The following TRHDE variants were observed in gnomAD, a reference collection of about 807,000 sequenced individuals.
TRHDE encodes thyrotropin-releasing hormone-degrading ectoenzyme.
Under a neutral mutation model 125.7 loss-of-function variants are expected in TRHDE, and 72 were observed. The ratio of observed to expected loss-of-function variants is 0.57; its 90% confidence interval spans 0.47 to 0.70. TRHDE has a LOEUF of 0.70. TRHDE is among the 30% of genes least tolerant of loss of function. The pLI, the probability that TRHDE is intolerant of heterozygous loss-of-function variation, is 0.00. For missense variants in TRHDE, 1,110 were observed against 1,327.1 expected, an observed-to-expected ratio of 0.84 and a Z score of 2.54; for synonymous variants, 509 against 509.1, an observed-to-expected ratio of 1.00 and a Z score of 0.00.
intron 6 of TRHDE, among the ~76,000 whole-genome samples, chr12:72,510,153 A>G (rs995409502): frequency 1.6e-4 from 24 of 152,054 alleles, no homozygotes; most frequent in African/African-American, 5.8e-4. Flanking sequence ...CCTGTTCTGC[A>G]AGTCTTCCTG....
chr12:72,609,670 T>G (rs1041187361), intron 12 of TRHDE, among the ~76,000 whole-genome samples: 5 of 152,204 alleles, frequency 3.3e-5, no homozygotes, highest in Middle Eastern at 3.2e-3. Flanking sequence ...AGGCAAAACT[T>G]TTGACATAAA....
At chr12:72,480,991 A>G (rs948501070) in intron 5 of TRHDE, among the ~76,000 whole-genome samples, 2 of 152,134 alleles carry the variant, frequency 1.3e-5, no homozygotes, top group Non-Finnish European at 2.9e-5. Context: ...AATGTTCAAC[A>G]TCTGCTATTA....
chr12:72,272,825 C>A lies in TRHDE; in HGVS notation c.182C>A (p.Ser61Tyr). 1.3e-6 allele frequency: 2 copies of A among 1,577,338 alleles called. No homozygotes were observed. Among genetic ancestry groups the A allele is most frequent in the Non-Finnish European group, 1.7e-6 (2 of 1,167,100 alleles). ...CTTCGGGCTGGCAGCAGGGGGCTCTCCGACCCGTGGGCAGACTCAGTGGGA... is the reference window on the plus strand; with the variant it reads ...CTTCGGGCTGGCAGCAGGGGGCTCTACGACCCGTGGGCAGACTCAGTGGGA... ...AALRAGSRGL[S>Y]DPWADSVGVR... is the part of the protein sequence containing the mutation. Residue 61 changes from serine to tyrosine, a missense_variant, in exon 1 of 19, where the codon TCC becomes TAC. This residue lies in a region of TRHDE where 248 missense variants were observed against 240.8 expected (regional missense o/e 1.03). Transcript: ENST00000261180. This position sits in a 1 kb window ranked among gnomAD's most constrained non-coding sequence, Gnocchi z 6.7.
intron 2 of TRHDE, among the ~76,000 whole-genome samples, chr12:72,316,171 A>T (rs1156667783): frequency 6.6e-6 from 1 of 152,126 alleles, no homozygotes. Flanking sequence ...AGACACTGAT[A>T]TATTTACTTG....
chr12:72,383,475 C>T (rs1872276496), intron 3 of TRHDE, among the ~76,000 whole-genome samples: 1 of 144,240 alleles, frequency 6.9e-6, no homozygotes, highest in South Asian at 2.2e-4. Flanking sequence ...CTTCCGGGTT[C>T]AGCTGATTCT....
At chr12:72,546,230 G>A (rs1318280787) in intron 7 of TRHDE, among the ~76,000 whole-genome samples, 1 of 151,416 alleles carries the variant, frequency 6.6e-6, no homozygotes, top group African/African-American at 2.4e-5. Context: ...TTTCTTTTTG[G>A]ATACATTGAT....
At position 72,493,423 on chromosome 12, in the gene TRHDE, A is replaced by T. The variant is rs549632879; in HGVS notation, c.1585-6075A>T. 3.9e-5 allele frequency among the ~76,000 whole-genome samples: 6 copies of T among 152,072 alleles called. No homozygotes were observed. The East Asian group carries it at 1.2e-3, about 29-fold the overall frequency. ...GGTTATAAAATAGAGCTAAGTTTTA[A>T]AGAAATAATTGGTGCAATGTGTTTT... On this transcript the variant is annotated intron_variant, in intron 5 of 18. Transcript: ENST00000261180.
At chr12:72,091,936 C>T (rs551369799) in intron 1 of TRHDE, among the ~76,000 whole-genome samples, 29 of 152,306 alleles carry the variant, frequency 1.9e-4, no homozygotes, top group Admixed American at 4.6e-4. Context: ...TCACTAGAAG[C>T]AGAGAGCTCT....
chr12:72,215,685 T>C (rs1793567571), intron 2 of TRHDE, among the ~76,000 whole-genome samples: 1 of 152,150 alleles, frequency 6.6e-6, no homozygotes. Flanking sequence ...GGCAGCTTTG[T>C]TTGGTGTCTT....
At chr12:72,245,990 C>T (rs2139383813) in intron 2 of TRHDE, among the ~76,000 whole-genome samples, 1 of 152,224 alleles carries the variant, frequency 6.6e-6, no homozygotes, top group East Asian at 1.9e-4. Context: ...TTAACCATCA[C>T]TATTATGGCC....
intron 15 of TRHDE, among the ~76,000 whole-genome samples, chr12:72,649,096 AAGG>A (rs1345171396): frequency 6.6e-6 from 1 of 152,108 alleles, no homozygotes; most frequent in Non-Finnish European, 1.5e-5. Flanking sequence ...TATTTTGAGA[AAGG>A]AGAACAATGC....
At chr12:72,430,411 G>A (rs1352998837) in intron 3 of TRHDE, among the ~76,000 whole-genome samples, 3 of 142,046 alleles carry the variant, frequency 2.1e-5, no homozygotes, top group Non-Finnish European at 3.0e-5. Flanking sequence ...GTATATATAT[G>A]TGCATATATA....
intron 12 of TRHDE, among the ~76,000 whole-genome samples, chr12:72,604,651 G>A (rs1299442696): frequency 1.3e-5 from 2 of 151,700 alleles, no homozygotes; most frequent in East Asian, 3.9e-4. Context: ...TTCTTATTTT[G>A]TCACTTTATT....
At chr12:72,473,865 G>T (rs1483322196) in intron 5 of TRHDE, among the ~76,000 whole-genome samples, 1 of 151,774 alleles carries the variant, frequency 6.6e-6, no homozygotes, top group Non-Finnish European at 1.5e-5. Context: ...AGAACCCGGG[G>T]TATATATATG....
chr12:72,377,908 A>C (rs906666778), intron 2 of TRHDE, 87 bp from the exon 3 acceptor site: 4 of 941,836 alleles, frequency 4.2e-6, no homozygotes, highest in Non-Finnish European at 6.0e-6. Flanking sequence ...TAGTATTCTA[A>C]GTGATTTGTG....
chr12:72,347,572 T>C (rs974547189), intron 2 of TRHDE, among the ~76,000 whole-genome samples: 10 of 152,014 alleles, frequency 6.6e-5, no homozygotes, highest in East Asian at 1.9e-4. Flanking sequence ...CGGTTCACCA[T>C]TGGGGGTGGG....
intron 15 of TRHDE, among the ~76,000 whole-genome samples, chr12:72,622,116 C>T (rs962468211): frequency 1.3e-4 from 19 of 151,874 alleles, no homozygotes; most frequent in African/African-American, 4.6e-4. Flanking sequence ...ATTCGTAGAA[C>T]AATTACCAGC....
At chr12:72,360,338 T>C (rs1354824533) in intron 2 of TRHDE, among the ~76,000 whole-genome samples, 12 of 151,734 alleles carry the variant, frequency 7.9e-5, no homozygotes. Flanking sequence ...CATTGGCAAA[T>C]GATTACTATC....
intron 2 of TRHDE, among the ~76,000 whole-genome samples, chr12:72,128,102 T>G (rs559577608): frequency 6.6e-6 from 1 of 152,150 alleles, no homozygotes; most frequent in East Asian, 1.9e-4. Flanking sequence ...AGGAATTACC[T>G]GAGACCAGAG....
Sources: allele counts gnomAD v4.1 joint callset (sites outside exome capture counted in the v4.1 genomes callset), GRCh38; gene constraint gnomAD v4.1.1; regional missense constraint gnomAD v4.1.1; non-coding constraint Gnocchi (gnomAD v3.1); transcripts MANE v1.5; gene names NCBI Gene and HGNC (gene_info 2026-07-23, HGNC 2026-07-21).